Variants in SRPK2 observed in about 807,000 individuals in gnomAD.
SRPK2 encodes SRSF protein kinase 2.
A neutral mutation model predicts 90.8 loss-of-function variants in SRPK2; 21 were observed. The ratio of observed to expected loss-of-function variants is 0.23; its 90% confidence interval spans 0.16 to 0.33. The LOEUF is 0.33. SRPK2 is among the 10% of genes least tolerant of loss of function. The pLI is 1.00. For missense variants in SRPK2, 620 were observed against 869.0 expected (o/e 0.71, Z 3.60); for synonymous variants, 288 against 311.1 (o/e 0.93, Z 0.78).
chr7:105,368,303 A>C (rs954210746), intron 2 of SRPK2, among the ~76,000 whole-genome samples: 1 of 152,202 alleles, frequency 6.6e-6, no homozygotes, highest in Non-Finnish European at 1.5e-5. Context: ...CCACTCTCAT[A>C]GATGCACATG....
In SRPK2 at chr7:105,176,574, T is replaced by TGA. The variant is rs1411117091; in HGVS notation, c.230-7310_230-7309insTC. Reference sequence around the variant, plus strand: ...TTGCATATATGTGTGTGTGTGTGTGTGTGTGTATGTATATATGTGTGTGTG... The same window carrying TGA: ...TTGCATATATGTGTGTGTGTGTGTGTGAGTGTGTATGTATATATGTGTGTGTG... On this transcript the variant is annotated intron_variant, in intron 3 of 15. Coordinates refer to ENST00000393651, the MANE Select transcript of SRPK2 (RefSeq NM_182692.3). Among the ~76,000 whole-genome samples, 9 of 129,230 alleles carry TGA rather than the reference T, an allele frequency of 7.0e-5. 1 individual carries two copies. Among genetic ancestry groups the TGA allele is most frequent in the Admixed American group, 6.8e-4 (8 of 11,736 alleles). 84.8% of individuals were successfully genotyped at this position (129,230 alleles called of 152,430 possible).
At chr7:105,306,413 T>A (rs187382476) in intron 2 of SRPK2, 3 of 419,028 alleles carry the variant, frequency 7.2e-6, no homozygotes, top group Admixed American at 6.6e-5. Flanking sequence ...AGAACCAAGA[T>A]GTTTAAGTAG....
chr7:105,136,790 G>A (rs899180287), intron 11 of SRPK2, among the ~76,000 whole-genome samples: 1 of 152,210 alleles, frequency 6.6e-6, no homozygotes, highest in Non-Finnish European at 1.5e-5. Flanking sequence ...GCCCAAGGAA[G>A]TAGTGGAACT....
intron 2 of SRPK2, among the ~76,000 whole-genome samples, chr7:105,276,317 G>A (rs184512133): frequency 3.3e-5 from 5 of 151,006 alleles, no homozygotes; most frequent in African/African-American, 7.3e-5. Context: ...GGGCTCAACC[G>A]ATCCTCCCAC....
chr7:105,200,896 T>C (rs1251746453), intron 3 of SRPK2, among the ~76,000 whole-genome samples: 2 of 152,194 alleles, frequency 1.3e-5, no homozygotes, highest in Non-Finnish European at 2.9e-5. Context: ...TGGACAACAC[T>C]GGGCAACTGG....
chr7:105,192,722 T>A, intron 3 of SRPK2, among the ~76,000 whole-genome samples: 1 of 152,184 alleles, frequency 6.6e-6, no homozygotes, highest in Admixed American at 6.5e-5. Flanking sequence ...ATTTTTTGAT[T>A]TTTTGATTAT....
chr7:105,288,848 T>C (rs1464635542), intron 2 of SRPK2, among the ~76,000 whole-genome samples: 1 of 152,106 alleles, frequency 6.6e-6, no homozygotes, highest in Admixed American at 6.6e-5. Context: ...GCCAAATGTC[T>C]AGACACTGAC....
intron 15 of SRPK2, among the ~76,000 whole-genome samples, chr7:105,121,257 A>C (rs1215212335): frequency 1.3e-5 from 2 of 152,022 alleles, no homozygotes; most frequent in Non-Finnish European, 2.9e-5. Context: ...AGGCACAAAA[A>C]TCGTTTGAAC....
At chr7:105,292,413 C>A (rs1447796707) in intron 2 of SRPK2, among the ~76,000 whole-genome samples, 1 of 133,840 alleles carries the variant, frequency 7.5e-6, no homozygotes, top group Non-Finnish European at 1.5e-5. Flanking sequence ...GAGGCTGAGG[C>A]AAGAGAATCG....
chr7:105,302,966 T>TG (rs975326918), intron 2 of SRPK2, among the ~76,000 whole-genome samples: 13 of 151,016 alleles, frequency 8.6e-5, no homozygotes, highest in African/African-American at 2.4e-4. Flanking sequence ...CCCAGCTACT[T>TG]GGGAGGCTGA....
chr7:105,365,463 G>T (rs571633954), intron 2 of SRPK2, among the ~76,000 whole-genome samples: 194 of 142,964 alleles, frequency 1.4e-3, no homozygotes, highest in African/African-American at 5.0e-3. Context: ...TTCCAGCCTG[G>T]GCAACAAGAG....
At position 105,181,373 on chromosome 7, in the gene SRPK2, C is replaced by T. The variant is rs181469699; in HGVS notation, c.230-12108G>A. Among the ~76,000 whole-genome samples the T allele has an allele frequency of 7.9e-5, 12 of 152,162 alleles. No individual in the cohort carries two copies. The East Asian group carries it at 1.9e-3, about 24-fold the overall frequency. Reference sequence around the variant, plus strand: ...CAGCAATTCCTTATTGTGTATACACCGAAAGGAATATAAACTGTTCTACTG... The same window carrying T: ...CAGCAATTCCTTATTGTGTATACACTGAAAGGAATATAAACTGTTCTACTG... On this transcript the variant is annotated intron_variant, in intron 3 of 15. Coordinates refer to ENST00000393651, the MANE Select transcript of SRPK2 (RefSeq NM_182692.3).
chr7:105,365,204 G>A lies in SRPK2; in HGVS notation c.71+23444C>T, dbSNP rs1694232610. ...GGGGCACTTCCATCTGGCATTTAGGGCCAGGCACAGTGGCTCACGCCTGTA... is the reference window on the plus strand; with the variant it reads ...GGGGCACTTCCATCTGGCATTTAGGACCAGGCACAGTGGCTCACGCCTGTA... On this transcript the variant is annotated intron_variant, in intron 2 of 15. Coordinates refer to ENST00000393651, the MANE Select transcript of SRPK2 (RefSeq NM_182692.3). 2.0e-5 allele frequency among the ~76,000 whole-genome samples: 3 copies of A among 152,228 alleles called. No homozygotes were observed. In the South Asian group the frequency reaches 6.2e-4, roughly 32 times the overall value.
intron 2 of SRPK2, among the ~76,000 whole-genome samples, chr7:105,291,023 C>T (rs1484673856): frequency 1.6e-5 from 2 of 124,258 alleles, no homozygotes; most frequent in Admixed American, 1.0e-4. Context: ...CCGGCCTGGG[C>T]GACAGAGCGA....
At chr7:105,265,892 C>T (rs926737935) in intron 2 of SRPK2, among the ~76,000 whole-genome samples, 1 of 152,012 alleles carries the variant, frequency 6.6e-6, no homozygotes, top group Non-Finnish European at 1.5e-5. Context: ...CAATAGCATT[C>T]TCTGCTCTTA....
chr7:105,380,130 A>T (rs955609672), intron 2 of SRPK2, among the ~76,000 whole-genome samples: 2 of 152,214 alleles, frequency 1.3e-5, no homozygotes, highest in African/African-American at 4.8e-5. Flanking sequence ...AATTAAAATT[A>T]AAAATGATGT....
chr7:105,197,304 T>C (rs1406568162), intron 3 of SRPK2, among the ~76,000 whole-genome samples: 3 of 152,164 alleles, frequency 2.0e-5, no homozygotes, highest in Admixed American at 6.6e-5. Context: ...TATGCTCTAT[T>C]TTGAAGAAAA....
At position 105,149,272 on chromosome 7, in the gene SRPK2, T is replaced by C. The variant is rs543932949; in HGVS notation, c.622-2614A>G. ...GGTGGGAGGTGAGACATGTTTGCAG[T>C]AATGCTGCCTTGTTATTCTTTACTC... On this transcript the variant is annotated intron_variant, in intron 7 of 15. Coordinates refer to ENST00000393651, the MANE Select transcript of SRPK2 (RefSeq NM_182692.3). 6.4e-4 allele frequency among the ~76,000 whole-genome samples: 98 copies of C among 152,324 alleles called. No individual in the cohort carries two copies. In the East Asian group the frequency reaches 6.9e-3, roughly 11 times the overall value.
At chr7:105,133,526 G>A (rs1041220196) in intron 11 of SRPK2, among the ~76,000 whole-genome samples, 1 of 152,076 alleles carries the variant, frequency 6.6e-6, no homozygotes, top group African/African-American at 2.4e-5. Flanking sequence ...ACTGCTGTGG[G>A]GGCCGATCAC....
Sources: allele counts gnomAD v4.1 joint callset (sites outside exome capture counted in the v4.1 genomes callset), GRCh38; gene constraint gnomAD v4.1.1; transcripts MANE v1.5; gene names NCBI Gene and HGNC (gene_info 2026-07-23, HGNC 2026-07-21).